Variants in FASTKD1 observed in about 807,000 individuals in gnomAD.
FASTKD1 encodes FAST kinase domains 1.
A neutral mutation model predicts 90.9 loss-of-function variants in FASTKD1; 94 were observed. The observed-to-expected ratio is 1.03, with a 90% CI of 0.88 to 1.23. The LOEUF (loss-of-function observed/expected upper bound fraction) is 1.23. Among genes scored for constraint, FASTKD1 ranks in the 50% most tolerant of loss-of-function variants. The pLI is 0.00. For missense variants in FASTKD1, 945 were observed against 993.5 expected (o/e 0.95, Z 0.66); for synonymous variants, 319 against 345.8 (o/e 0.92, Z 0.86).
intron 4 of FASTKD1, 124 bp from the exon 5 acceptor site, chr2:169,560,909 C>G: frequency 1.3e-6 from 1 of 756,820 alleles, no homozygotes; most frequent in Non-Finnish European, 1.9e-6. Flanking sequence ...TCTCAAACTC[C>G]TGGGCTTAAG....
intron 5 of FASTKD1, among the ~76,000 whole-genome samples, chr2:169,558,742 C>T (rs561683135): frequency 6.6e-6 from 1 of 152,058 alleles, no homozygotes; most frequent in South Asian, 2.1e-4. Context: ...TGAGCCACCA[C>T]ACCCGGCCCT....
chr2:169,548,006 A>G (rs958725764), intron 7 of FASTKD1, among the ~76,000 whole-genome samples: 1 of 150,006 alleles, frequency 6.7e-6, no homozygotes, highest in East Asian at 1.9e-4. Flanking sequence ...AAAAAAAAAA[A>G]AACAAAACAA....
chr2:169,568,628 T>TAA (rs10618482), intron 3 of FASTKD1, among the ~76,000 whole-genome samples: 9 of 41,542 alleles, frequency 2.2e-4, no homozygotes, highest in Admixed American at 4.3e-4. Flanking sequence ...CCCTGTCCAT[T>TAA]AAAAAAAAAA....
chr2:169,570,322 AT>A (rs1341564853), intron 2 of FASTKD1, among the ~76,000 whole-genome samples: 1 of 151,398 alleles, frequency 6.6e-6, no homozygotes, highest in African/African-American at 2.4e-5. Flanking sequence ...ATTTCTTTTT[AT>A]TTTTTTTCCT....
intron 10 of FASTKD1, among the ~76,000 whole-genome samples, chr2:169,539,343 C>T (rs1684868836): frequency 1.3e-5 from 2 of 152,064 alleles, no homozygotes; most frequent in African/African-American, 4.8e-5. Flanking sequence ...GGTACAGTGG[C>T]TCATGCCTGT....
At chr2:169,562,071 AAATAATTATTTATTAATTT>A (rs1683709740) in intron 4 of FASTKD1, among the ~76,000 whole-genome samples, 1 of 120,948 alleles carries the variant, frequency 8.3e-6, no homozygotes, top group African/African-American at 3.1e-5. Flanking sequence ...ATTTATTGTA[AAATAATTATTTATTAATTT>A]ATTGTAAAAT....
In FASTKD1 at chr2:169,538,012, C is replaced by G; in HGVS notation, c.2074+1G>C. 2 of 1,590,678 alleles carry G rather than the reference C, an allele frequency of 1.3e-6. No individual in the cohort carries two copies. The highest frequency in any genetic ancestry group is 1.7e-6 in the Non-Finnish European group (2 of 1,173,964). On this transcript the variant is annotated splice_donor_variant, in intron 11 of 14. Coordinates refer to ENST00000453153, the MANE Select transcript of FASTKD1 (RefSeq NM_024622.6). LOFTEE classifies it high-confidence loss of function. ...CTATCTGACTAAAAGAAAACTCAAA[C>G]CTTTATTATATTGTTGACAGAAGCG...
At chr2:169,552,408 A>T (rs553092162) in intron 7 of FASTKD1, among the ~76,000 whole-genome samples, 18 of 152,274 alleles carry the variant, frequency 1.2e-4, no homozygotes, top group African/African-American at 4.1e-4. Flanking sequence ...TAATTTTTTT[A>T]AAAAACACTG....
intron 6 of FASTKD1, among the ~76,000 whole-genome samples, chr2:169,556,503 C>T (rs947489351): frequency 2.0e-5 from 3 of 148,730 alleles, no homozygotes; most frequent in Admixed American, 6.7e-5. Flanking sequence ...CCGAAGTGAA[C>T]GGATCACTTG....
At chr2:169,564,952 C>CTTTTTT (rs557658819) in intron 3 of FASTKD1, among the ~76,000 whole-genome samples, 1 of 109,014 alleles carries the variant, frequency 9.2e-6, no homozygotes, top group Non-Finnish European at 1.9e-5. Context: ...CCACATTTTT[C>CTTTTTT]TTTTTTTTTT....
chr2:169,562,275 C>T (rs574077427), intron 4 of FASTKD1, among the ~76,000 whole-genome samples: 20 of 151,422 alleles, frequency 1.3e-4, no homozygotes, highest in African/African-American at 4.6e-4. Flanking sequence ...CTCTGTTGCC[C>T]AGGCTGGAGT....
Position 169,569,269 on chromosome 2 carries a change from G to T in FASTKD1, c.378-17C>A, listed in dbSNP as rs762751674. 3 of 1,609,176 alleles carry T rather than the reference G, an allele frequency of 1.9e-6. No homozygotes were observed. In the South Asian group the frequency reaches 3.3e-5, roughly 18 times the overall value. Reference sequence around the variant, plus strand: ...CCAGCAAACCTTAATAAAAAAGAAAGAATCCTCCATACATAATCATTTTAA... The same window carrying T: ...CCAGCAAACCTTAATAAAAAAGAAATAATCCTCCATACATAATCATTTTAA... On this transcript the variant is annotated splice_polypyrimidine_tract_variant and intron_variant, in intron 2 of 14. Transcript: ENST00000453153.
chr2:169,530,444 T>A (rs1208046609), intron 14 of FASTKD1, 143 bp downstream of exon 14: 1 of 565,836 alleles, frequency 1.8e-6, no homozygotes, highest in African/African-American at 2.0e-5. Context: ...AGGCATGAGC[T>A]ATTGTATCTG....
intron 6 of FASTKD1, among the ~76,000 whole-genome samples, chr2:169,556,445 A>G (rs1683317663): frequency 6.7e-6 from 1 of 149,568 alleles, no homozygotes; most frequent in African/African-American, 2.5e-5. Flanking sequence ...CAAAAAAAAA[A>G]AACAAAAAAA....
Position 169,563,330 on chromosome 2 carries a change from G to A in FASTKD1, c.467C>T (p.Ser156Leu), listed in dbSNP as rs1683797960. 2 of 1,604,984 alleles carry A rather than the reference G, an allele frequency of 1.2e-6. No homozygotes were observed. The highest frequency in any genetic ancestry group is 1.7e-6 in the Non-Finnish European group (2 of 1,172,612). ...ATCTGCTAGGCAAGAGGAAAATTCT[G>A]AGAGCAGTTTAATATCAAACCTATT... ...RLERFDIKLL[S>L]EFSSCLADQH... Residue 156 changes from serine to leucine, a missense_variant, in exon 4 of 15, where the codon TCA becomes TTA. Physicochemically the swap from Ser to Leu is moderately radical, Grantham distance 145. Coordinates refer to ENST00000453153, the MANE Select transcript of FASTKD1 (RefSeq NM_024622.6).
Position 169,571,847 on chromosome 2 carries a change from G to C in FASTKD1, c.183C>G (p.Ala61=). The change falls in exon 2 of 15, where the codon GCC becomes GCG. Residue 61 remains alanine, a synonymous_variant. Transcript: ENST00000453153. The part of the protein sequence containing the change: ...QMFGFIERNK[A]ILSEKQVGCA... ...ATCCCACTTGCTTTTCTGAAAGTAT[G>C]GCTTTGTTTCTTTCAATAAAACCAA... 1.9e-6 allele frequency: 3 copies of C among 1,613,974 alleles called. No homozygotes were observed. Among genetic ancestry groups the C allele is most frequent in the Non-Finnish European group, 2.5e-6 (3 of 1,179,972 alleles).
chr2:169,548,088 A>C (rs1685298790), intron 7 of FASTKD1, among the ~76,000 whole-genome samples: 1 of 151,642 alleles, frequency 6.6e-6, no homozygotes, highest in South Asian at 2.1e-4. Context: ...GGAATAAAAC[A>C]GGAAGACCTG....
At chr2:169,533,519 T>TTATA (rs1303178135) in intron 12 of FASTKD1, among the ~76,000 whole-genome samples, 1 of 152,134 alleles carries the variant, frequency 6.6e-6, no homozygotes, top group African/African-American at 2.4e-5. Context: ...TGCAAATAAT[T>TTATA]TACATACTTC....
intron 9 of FASTKD1, among the ~76,000 whole-genome samples, chr2:169,541,906 C>A (rs971198022): frequency 2.6e-5 from 4 of 152,162 alleles, no homozygotes; most frequent in African/African-American, 4.8e-5. Flanking sequence ...TGGAAAAAAA[C>A]CAAACATGCT....
Sources: gnomAD v4.1 joint callset for allele counts (sites outside exome capture counted in the v4.1 genomes callset) on GRCh38, gnomAD v4.1.1 for gene constraint, MANE v1.5 for transcripts, NCBI Gene and HGNC (gene_info 2026-07-23, HGNC 2026-07-21) for gene names.